Variants in KIAA1217 observed in about 807,000 individuals in gnomAD.
The protein encoded by KIAA1217 is KIAA1217, also known as sickle tail protein homolog.
Under a neutral mutation model 163.9 loss-of-function variants are expected in KIAA1217, and 88 were observed. That is an observed-to-expected ratio of 0.54 (90% CI 0.45 to 0.64). The LOEUF is 0.64. Among genes scored for constraint, KIAA1217 ranks in the 30% least tolerant of loss-of-function variants. The pLI is 0.00. For missense variants in KIAA1217, 2,372 were observed against 2,475.0 expected (o/e 0.96, Z 0.88); for synonymous variants, 903 against 923.1 (o/e 0.98, Z 0.39).
chr10:23,804,230 C>T (rs1836630115), intron 1 of KIAA1217, among the ~76,000 whole-genome samples: 1 of 151,982 alleles, frequency 6.6e-6, no homozygotes. Flanking sequence ...TCAAATATGA[C>T]TTAAATCAAC....
intron 1 of KIAA1217, among the ~76,000 whole-genome samples, chr10:23,949,461 TTTCC>T (rs1844227012): frequency 6.6e-6 from 1 of 152,230 alleles, no homozygotes; most frequent in Non-Finnish European, 1.5e-5. Flanking sequence ...TGAGAATTCG[TTTCC>T]CTGACAATGA....
At chr10:24,060,833 C>A (rs2060696114) in intron 2 of KIAA1217, among the ~76,000 whole-genome samples, 1 of 152,096 alleles carries the variant, frequency 6.6e-6, no homozygotes, top group Non-Finnish European at 1.5e-5. Flanking sequence ...TTAAAAAAAA[C>A]AAATATACTG....
At chr10:24,251,431 A>G (rs2074520303) in intron 2 of KIAA1217, among the ~76,000 whole-genome samples, 1 of 151,586 alleles carries the variant, frequency 6.6e-6, no homozygotes, top group Non-Finnish European at 1.5e-5. Context: ...AACAAGAAAA[A>G]AAAAGAAAGA....
rs1417805516 is a variant in KIAA1217, at chr10:23,934,621, A to ATTTTT, written c.-320-72603_-320-72602insTTTTT. Among the ~76,000 whole-genome samples the ATTTTT allele has an allele frequency of 6.5e-5, 4 of 61,730 alleles. 1 individual carries two copies. Among genetic ancestry groups the ATTTTT allele is most frequent in the Non-Finnish European group, 1.1e-4 (4 of 36,642 alleles). 40.5% of individuals were successfully genotyped at this position (61,730 alleles called of 152,430 possible). On this transcript the variant is annotated intron_variant, in intron 1 of 18. Coordinates refer to the KIAA1217 transcript ENST00000376462. ...TATATATATATGTATATATATATAT[A>ATTTTT]TATATTTTTTTTTTGAGACGGAGTC...
At chr10:23,971,464 G>T (rs550265851) in intron 1 of KIAA1217, among the ~76,000 whole-genome samples, 13 of 152,240 alleles carry the variant, frequency 8.5e-5, no homozygotes, top group African/African-American at 2.4e-4. Flanking sequence ...TGATTGGTTG[G>T]GGGGGAACCT....
At chr10:24,232,214 G>A (rs1329865331) in intron 2 of KIAA1217, among the ~76,000 whole-genome samples, 1 of 152,176 alleles carries the variant, frequency 6.6e-6, no homozygotes, top group Admixed American at 6.5e-5. Context: ...ACTAAATTCA[G>A]GGGTTGTAGT....
chr10:23,945,411 G>A (rs1003421157), intron 1 of KIAA1217, among the ~76,000 whole-genome samples: 1 of 152,174 alleles, frequency 6.6e-6, no homozygotes, highest in Non-Finnish European at 1.5e-5. Flanking sequence ...AGTTCAAAAA[G>A]AGAGAAAACT....
At chr10:24,228,627 C>G (rs961106039) in intron 2 of KIAA1217, among the ~76,000 whole-genome samples, 1 of 152,060 alleles carries the variant, frequency 6.6e-6, no homozygotes, top group Non-Finnish European at 1.5e-5. Context: ...GTTGTATACA[C>G]GCTCTTAAAT....
chr10:24,232,935 CAAAAA>C lies in KIAA1217; in HGVS notation c.354+13049_354+13053del, dbSNP rs908492411. ...GCAACATGGTAAAACCTTATCTCTA[CAAAAA>C]AAAAAAAAAAAAAAAAAAAAAAGAA... On this transcript the variant is annotated intron_variant, in intron 2 of 20. Transcript: ENST00000376454. 3.4e-4 allele frequency among the ~76,000 whole-genome samples: 19 copies of C among 56,320 alleles called. No individual in the cohort carries two copies. The South Asian group carries it at 4.0e-3, about 12-fold the overall frequency. 36.9% of individuals were successfully genotyped at this position (56,320 alleles called of 152,430 possible).
At chr10:24,145,163 T>C (rs2064250295) in intron 2 of KIAA1217, among the ~76,000 whole-genome samples, 1 of 152,206 alleles carries the variant, frequency 6.6e-6, no homozygotes, top group South Asian at 2.1e-4. Context: ...ATAAGACACC[T>C]CCTCTGTGGT....
chr10:24,014,958 T>C (rs1847408401), intron 2 of KIAA1217, among the ~76,000 whole-genome samples: 1 of 152,014 alleles, frequency 6.6e-6, no homozygotes, highest in Admixed American at 6.6e-5. Flanking sequence ...ATCAAAAATA[T>C]AATTCTAAAA....
At chr10:24,275,365 C>T (rs188364596) in intron 2 of KIAA1217, among the ~76,000 whole-genome samples, 4 of 152,192 alleles carry the variant, frequency 2.6e-5, no homozygotes, top group Admixed American at 1.3e-4. Flanking sequence ...CACAAAAATG[C>T]GAAACTTGTG....
intron 1 of KIAA1217, among the ~76,000 whole-genome samples, chr10:23,935,270 C>T (rs1191480702): frequency 6.6e-6 from 1 of 152,128 alleles, no homozygotes; most frequent in Non-Finnish European, 1.5e-5. Flanking sequence ...AGACGATGGG[C>T]TTATTTGTAA....
intron 2 of KIAA1217, among the ~76,000 whole-genome samples, chr10:24,232,935 C>CAAA (rs908492411): frequency 0.028 from 1,550 of 56,298 alleles, 289 homozygotes; most frequent in East Asian, 0.048. Context: ...CTTATCTCTA[C>CAAA]AAAAAAAAAA....
intron 2 of KIAA1217, among the ~76,000 whole-genome samples, chr10:24,066,025 C>T (rs946270245): frequency 6.6e-6 from 1 of 152,152 alleles, no homozygotes; most frequent in African/African-American, 2.4e-5. Context: ...TTATTTTGAG[C>T]CTATGTGTGT....
At chr10:23,852,264 A>G (rs565532384) in intron 1 of KIAA1217, among the ~76,000 whole-genome samples, 88 of 152,256 alleles carry the variant, frequency 5.8e-4, no homozygotes, top group African/African-American at 2.1e-3. Context: ...CCATTTATTA[A>G]ATAGGAAATC....
intron 1 of KIAA1217, among the ~76,000 whole-genome samples, chr10:24,004,300 G>T (rs1249509105): frequency 6.6e-6 from 1 of 152,076 alleles, no homozygotes. Flanking sequence ...TTTATTCAAA[G>T]ACAAGATTTT....
In KIAA1217 at chr10:23,704,107, T is replaced by C. The variant is rs570802627; in HGVS notation, c.-321+8873T>C. Among the ~76,000 whole-genome samples the C allele has an allele frequency of 6.7e-4, 96 of 142,358 alleles. 2 individuals carry two copies. Among genetic ancestry groups the C allele is most frequent in the African/African-American group, 2.4e-3 (92 of 38,516 alleles). 93.4% of individuals were successfully genotyped at this position (142,358 alleles called of 152,430 possible). ...ATATGTGTGTATGTACTTTGTATTATGCACACACATACACATATATGCATG... is the reference window on the plus strand; with the variant it reads ...ATATGTGTGTATGTACTTTGTATTACGCACACACATACACATATATGCATG... On this transcript the variant is annotated intron_variant, in intron 1 of 18. Coordinates refer to the KIAA1217 transcript ENST00000376462.
chr10:24,032,148 G>A (rs12252397), intron 2 of KIAA1217, among the ~76,000 whole-genome samples: 1,557 of 152,244 alleles, frequency 0.01, 32 homozygotes, highest in African/African-American at 0.036. Context: ...TAACTAAGAA[G>A]TTGAAGAAGA....
Sources: gnomAD v4.1 joint callset for allele counts (sites outside exome capture counted in the v4.1 genomes callset) on GRCh38, gnomAD v4.1.1 for gene constraint, MANE v1.5 for transcripts, NCBI Gene and HGNC (gene_info 2026-07-23, HGNC 2026-07-21) for gene names.